FHIT: variants seen among roughly 807,000 people sequenced by gnomAD.
The protein encoded by FHIT is fragile histidine triad diadenosine triphosphatase, also known as bis(5'-adenosyl)-triphosphatase.
Under a neutral mutation model 17.9 loss-of-function variants are expected in FHIT, and 19 were observed. The observed-to-expected ratio is 1.06, with a 90% CI of 0.74 to 1.56. The LOEUF (loss-of-function observed/expected upper bound fraction) is 1.56. Ranked by LOEUF, FHIT falls within the 40% of genes most tolerant of loss-of-function variation. The pLI, the probability that FHIT is intolerant of heterozygous loss-of-function variation, is 0.00. For synonymous variants in FHIT, 81 were observed against 69.7 expected (o/e 1.16, Z -0.81); for missense variants, 248 against 189.2 (o/e 1.31, Z -1.82).
intron 5 of FHIT, among the ~76,000 whole-genome samples, chr3:60,510,812 A>C (rs1164049714): frequency 1.4e-4 from 21 of 152,232 alleles, no homozygotes; most frequent in Admixed American, 1.4e-3. Flanking sequence ...GGCACATAGG[A>C]ATGACTATAG....
intron 5 of FHIT, among the ~76,000 whole-genome samples, chr3:60,423,754 G>A (rs527897938): frequency 1.3e-5 from 2 of 152,214 alleles, no homozygotes; most frequent in East Asian, 3.9e-4. Flanking sequence ...CTGACCATTA[G>A]CACACCTGAA....
chr3:61,056,772 T>C (rs1047993326), intron 2 of FHIT, among the ~76,000 whole-genome samples: 6 of 152,198 alleles, frequency 3.9e-5, no homozygotes, highest in Non-Finnish European at 7.3e-5. Context: ...TGGTTTTATT[T>C]AGATAATACT....
At chr3:60,380,178 TG>T (rs1700737895) in intron 5 of FHIT, among the ~76,000 whole-genome samples, 1 of 152,136 alleles carries the variant, frequency 6.6e-6, no homozygotes, top group Non-Finnish European at 1.5e-5. Context: ...TTTTAGGTCA[TG>T]GGGGTAGATC....
intron 3 of FHIT, among the ~76,000 whole-genome samples, chr3:60,822,949 C>A (rs1701977668): frequency 6.6e-6 from 1 of 152,220 alleles, no homozygotes. Context: ...ATATCATAAA[C>A]ACCAATTCAT....
chr3:59,860,563 C>T (rs1702362248), intron 8 of FHIT, among the ~76,000 whole-genome samples: 1 of 152,176 alleles, frequency 6.6e-6, no homozygotes, highest in African/African-American at 2.4e-5. Flanking sequence ...ACCCTTAAGA[C>T]ACAGGTATTT....
chr3:60,468,312 T>C (rs1388677432), intron 5 of FHIT, among the ~76,000 whole-genome samples: 2 of 152,136 alleles, frequency 1.3e-5, no homozygotes, highest in African/African-American at 2.4e-5. Flanking sequence ...TATTGATGAA[T>C]AGGATTTACT....
chr3:60,553,502 AATATATATATAT>A (rs769240914), intron 4 of FHIT: 8 of 91,696 alleles, frequency 8.7e-5, no homozygotes, highest in Non-Finnish European at 1.5e-4. Context: ...TATTTAAAAA[AATATATATATAT>A]ATATATAGAG....
At chr3:59,920,001 G>C (rs954457195) in intron 8 of FHIT, among the ~76,000 whole-genome samples, 3 of 152,190 alleles carry the variant, frequency 2.0e-5, no homozygotes, top group Non-Finnish European at 4.4e-5. Flanking sequence ...AGAATGAATG[G>C]TTAAAGGCAA....
chr3:60,232,242 T>G (rs1019697708), intron 5 of FHIT, among the ~76,000 whole-genome samples: 3 of 152,112 alleles, frequency 2.0e-5, no homozygotes, highest in African/African-American at 7.2e-5. Flanking sequence ...CATGGTAGGG[T>G]GATGGAGGTG....
chr3:59,785,110 G>A (rs552676), intron 8 of FHIT, among the ~76,000 whole-genome samples: 102,513 of 151,906 alleles, frequency 0.67, 35,014 homozygotes, highest in Middle Eastern at 0.73. Context: ...TCACTATCAC[G>A]AGGATGGCAT....
At chr3:59,872,580 G>A (rs1702971807) in intron 8 of FHIT, among the ~76,000 whole-genome samples, 1 of 152,160 alleles carries the variant, frequency 6.6e-6, no homozygotes, top group African/African-American at 2.4e-5. Context: ...CAAATGCAGA[G>A]TTTTCCACCA....
intron 4 of FHIT, among the ~76,000 whole-genome samples, chr3:60,667,409 A>G (rs1242181510): frequency 3.3e-5 from 5 of 152,138 alleles, no homozygotes; most frequent in African/African-American, 1.2e-4. Flanking sequence ...TATCGTTAAT[A>G]CTATCCAGCA....
chr3:61,148,563 C>T (rs1212531269), intron 2 of FHIT, among the ~76,000 whole-genome samples: 1 of 152,112 alleles, frequency 6.6e-6, no homozygotes, highest in Non-Finnish European at 1.5e-5. Flanking sequence ...AGTACCACCT[C>T]ATTGTATGAC....
intron 2 of FHIT, among the ~76,000 whole-genome samples, chr3:61,147,405 G>A (rs2037257022): frequency 1.3e-5 from 2 of 151,776 alleles, no homozygotes; most frequent in African/African-American, 2.4e-5. Context: ...TTCCTTTGAC[G>A]GTAGAAAAAA....
rs933825644 is a variant in FHIT at position 60,741,696 on chromosome 3, A to G, written c.-18+80223T>C. Among the ~76,000 whole-genome samples the G allele has an allele frequency of 2.6e-5, 4 of 152,114 alleles. No homozygotes were observed. In the East Asian group the frequency reaches 7.7e-4, roughly 29 times the overall value. On this transcript the variant is annotated intron_variant, in intron 4 of 9. Transcript: ENST00000492590. ...AATGCCCTTTCTCCTTCTCCTTCTT[A>G]TCCATTCATTAGGATCTAGCAAAAT... is the stretch of plus-strand genomic sequence containing the variant.
intron 5 of FHIT, among the ~76,000 whole-genome samples, chr3:60,456,078 A>T (rs373701441): frequency 6.6e-6 from 1 of 152,194 alleles, no homozygotes; most frequent in East Asian, 1.9e-4. Flanking sequence ...TATCTGAAAG[A>T]GTTGGCATAA....
intron 7 of FHIT, among the ~76,000 whole-genome samples, chr3:60,010,254 A>C (rs1700088694): frequency 6.6e-6 from 1 of 152,218 alleles, no homozygotes; most frequent in African/African-American, 2.4e-5. Context: ...CATGGAGGTG[A>C]GACAGTGGGA....
chr3:59,918,818 C>T (rs1225726150), intron 8 of FHIT, among the ~76,000 whole-genome samples: 1 of 152,110 alleles, frequency 6.6e-6, no homozygotes, highest in African/African-American at 2.4e-5. Context: ...TTAAAAAATA[C>T]TTTACAGTCA....
At chr3:60,091,482 C>T (rs182030546) in intron 5 of FHIT, among the ~76,000 whole-genome samples, 1 of 152,158 alleles carries the variant, frequency 6.6e-6, no homozygotes, top group African/African-American at 2.4e-5. Context: ...TCCATGTGAT[C>T]TGGCACAGAA....
Sources: allele counts gnomAD v4.1 joint callset (sites outside exome capture counted in the v4.1 genomes callset), GRCh38; gene constraint gnomAD v4.1.1; transcripts MANE v1.5; gene names NCBI Gene and HGNC (gene_info 2026-07-23, HGNC 2026-07-21).